The following TULP4 variants were observed in gnomAD, a reference collection of about 807,000 sequenced individuals.
TULP4 encodes TUB like protein 4, also known as tubby-related protein 4.
TULP4 carries 16 observed loss-of-function variants against 129.0 expected under a neutral mutation model. The ratio of observed to expected loss-of-function variants is 0.12; its 90% confidence interval spans 0.08 to 0.19. The LOEUF (loss-of-function observed/expected upper bound fraction) is 0.19, where lower values mean the gene tolerates loss of function less well. Among genes scored for constraint, TULP4 ranks in the 10% least tolerant of loss-of-function variants. The pLI, the probability that TULP4 is intolerant of heterozygous loss-of-function variation, is 1.00. For synonymous variants in TULP4, 998 were observed against 854.0 expected (o/e 1.17, Z -2.94); for missense variants, 1,842 against 2,059.1 (o/e 0.89, Z 2.04).
intron 1 of TULP4, among the ~76,000 whole-genome samples, chr6:158,260,011 T>C (rs990449277): frequency 1.8e-4 from 27 of 152,214 alleles, no homozygotes; most frequent in African/African-American, 5.8e-4. Flanking sequence ...CAGGGTCTTA[T>C]GACATCGTTG....
At chr6:158,446,069 C>T (rs560677093) in intron 3 of TULP4, among the ~76,000 whole-genome samples, 5 of 152,284 alleles carry the variant, frequency 3.3e-5, no homozygotes, top group African/African-American at 1.2e-4. Context: ...GATGCACTTG[C>T]CATATGTGTA....
intron 1 of TULP4, among the ~76,000 whole-genome samples, chr6:158,261,948 C>T (rs1273143408): frequency 6.6e-6 from 1 of 152,148 alleles, no homozygotes; most frequent in African/African-American, 2.4e-5. Context: ...CCTGGAAGCT[C>T]CCTCTTCACC....
chr6:158,368,890 T>C (rs1777003829), intron 1 of TULP4, among the ~76,000 whole-genome samples: 1 of 152,240 alleles, frequency 6.6e-6, no homozygotes, highest in Non-Finnish European at 1.5e-5. Context: ...ATTTAATAGA[T>C]TATTTTATCA....
At chr6:158,246,096 T>TA (rs1778026971) in intron 1 of TULP4, among the ~76,000 whole-genome samples, 1 of 151,164 alleles carries the variant, frequency 6.6e-6, no homozygotes, top group African/African-American at 2.4e-5. Flanking sequence ...ATAAAGACCA[T>TA]ATAGAATGGG....
chr6:158,241,439 C>T (rs1261671480), intron 1 of TULP4, among the ~76,000 whole-genome samples: 3 of 149,464 alleles, frequency 2.0e-5, no homozygotes, highest in East Asian at 2.0e-4. Context: ...CGCCACTGCA[C>T]TCCAGCCTGG....
At chr6:158,437,424 AGT>A (rs1158292159) in intron 3 of TULP4, among the ~76,000 whole-genome samples, 1 of 151,930 alleles carries the variant, frequency 6.6e-6, no homozygotes, top group African/African-American at 2.4e-5. Context: ...AGCCAGGTGC[AGT>A]GGCACATTCC....
At chr6:158,475,221 G>C (rs616358) in intron 6 of TULP4, among the ~76,000 whole-genome samples, 17,081 of 152,230 alleles carry the variant, frequency 0.11, 1,050 homozygotes, top group African/African-American at 0.13. Flanking sequence ...CAGCATTGAG[G>C]GGGAGAAGCC....
chr6:158,275,526 C>T (rs189832423), intron 1 of TULP4, among the ~76,000 whole-genome samples: 1 of 152,340 alleles, frequency 6.6e-6, no homozygotes, highest in East Asian at 1.9e-4. Context: ...TGGATGGCCA[C>T]AGTTACTACT....
rs75443235 is a variant in TULP4, at chr6:158,490,488, A to G, written c.1631+756A>G. Among the ~76,000 whole-genome samples, 404 of 152,302 alleles carry G rather than the reference A, an allele frequency of 2.7e-3. 1 individual carries two copies. Among genetic ancestry groups the G allele is most frequent in the African/African-American group, 9.3e-3 (385 of 41,574 alleles). On this transcript the variant is annotated intron_variant, in intron 9 of 13. Coordinates refer to ENST00000367097, the MANE Select transcript of TULP4 (RefSeq NM_020245.5). ...CTGTAGAACCTTTTTCTTCACTAAG[A>G]TTTCTAGTTTTAATTCTGTGATTTT...
chr6:158,242,868 T>C, intron 1 of TULP4: 1 of 201,500 alleles, frequency 5.0e-6, no homozygotes, highest in Non-Finnish European at 1.0e-5. Flanking sequence ...CACTGCAACC[T>C]TCGCCTCCCG....
chr6:158,246,023 G>GGTGTGTGT (rs66690741), intron 1 of TULP4, among the ~76,000 whole-genome samples: 2,408 of 145,860 alleles, frequency 0.017, 38 homozygotes, highest in East Asian at 0.041. Flanking sequence ...ACCCCTTAGG[G>GGTGTGTGT]GTGTGTGTGT....
chr6:158,269,222 T>C (rs1252651936), intron 1 of TULP4, among the ~76,000 whole-genome samples: 1 of 152,124 alleles, frequency 6.6e-6, no homozygotes, highest in Non-Finnish European at 1.5e-5. Context: ...GTAACAGTGT[T>C]GTGGAGTGGA....
intron 3 of TULP4, among the ~76,000 whole-genome samples, chr6:158,439,163 T>A (rs1778823741): frequency 8.4e-6 from 1 of 118,938 alleles, no homozygotes; most frequent in African/African-American, 4.2e-5. Flanking sequence ...AGAGCAAGAC[T>A]CCGTCTCAAA....
At chr6:158,345,647 CAG>C (rs1780287875) in intron 1 of TULP4, among the ~76,000 whole-genome samples, 1 of 152,206 alleles carries the variant, frequency 6.6e-6, no homozygotes. Flanking sequence ...GGGCAAAAAA[CAG>C]AACTACTGAT....
chr6:158,488,540 C>T (rs1295487043), intron 8 of TULP4, among the ~76,000 whole-genome samples: 1 of 152,078 alleles, frequency 6.6e-6, no homozygotes, highest in Non-Finnish European at 1.5e-5. Flanking sequence ...GGCCCCTGTT[C>T]ACAGATGCCA....
rs1719289213 is a variant in TULP4 at position 158,245,652 on chromosome 6, A to G, written n.68+13349A>G. The stretch of plus-strand genomic sequence containing the variant: ...AACAGATATATGTACATAGTAAAGA[A>G]TAGGAAATAACCTTAGACAAGGAAT... On this transcript the variant is annotated intron_variant and non_coding_transcript_variant, in intron 1 of 1. Coordinates refer to the TULP4 transcript ENST00000620026. Among the ~76,000 whole-genome samples the G allele has an allele frequency of 2.0e-5, 3 of 152,230 alleles. No individual in the cohort carries two copies. In the South Asian group the frequency reaches 6.2e-4, roughly 32 times the overall value.
intron 5 of TULP4, among the ~76,000 whole-genome samples, chr6:158,456,153 G>C (rs933571477): frequency 1.1e-4 from 16 of 152,232 alleles, no homozygotes; most frequent in African/African-American, 3.6e-4. Flanking sequence ...GGACTTGTAA[G>C]TTATGGGAAG....
chr6:158,328,488 A>G (rs1013334191), intron 1 of TULP4, among the ~76,000 whole-genome samples: 7 of 152,130 alleles, frequency 4.6e-5, no homozygotes, highest in African/African-American at 1.7e-4. Flanking sequence ...GAGATTCCCA[A>G]AACGAGTTGT....
At chr6:158,295,913 C>T (rs1421075234) in intron 1 of TULP4, among the ~76,000 whole-genome samples, 2 of 152,120 alleles carry the variant, frequency 1.3e-5, no homozygotes, top group Non-Finnish European at 2.9e-5. Flanking sequence ...GAAATATGGC[C>T]AGCATACAAG....
Sources: allele counts gnomAD v4.1 joint callset (sites outside exome capture counted in the v4.1 genomes callset), GRCh38; gene constraint gnomAD v4.1.1; transcripts MANE v1.5; gene names NCBI Gene and HGNC (gene_info 2026-07-23, HGNC 2026-07-21).